PCDH15: variants seen among roughly 807,000 people sequenced by gnomAD.
PCDH15 encodes protocadherin related 15.
Under a neutral mutation model 178.5 loss-of-function variants are expected in PCDH15, and 129 were observed. That is an observed-to-expected ratio of 0.72 (90% CI 0.63 to 0.84). The LOEUF is 0.84. PCDH15 is among the 40% of genes least tolerant of loss of function. The probability of loss-of-function intolerance (pLI) is 0.00; values close to 1 mark genes in which losing one functional copy is unlikely to be tolerated. For synonymous variants in PCDH15, 800 were observed against 732.0 expected (o/e 1.09, Z -1.50); for missense variants, 2,230 against 2,099.9 (o/e 1.06, Z -1.21).
chr10:53,991,559 T>C (rs538773901), intron 21 of PCDH15, among the ~76,000 whole-genome samples: 2 of 152,188 alleles, frequency 1.3e-5, no homozygotes, highest in Admixed American at 1.3e-4. Context: ...CTAGCTCATC[T>C]AGTGGGGACT....
intron 7 of PCDH15, among the ~76,000 whole-genome samples, chr10:54,326,329 T>C (rs1938084777): frequency 6.6e-6 from 1 of 152,172 alleles, no homozygotes. Context: ...TAATATAGCA[T>C]TATCTACTAA....
chr10:54,571,982 A>C (rs904931013), intron 2 of PCDH15, among the ~76,000 whole-genome samples: 4 of 152,116 alleles, frequency 2.6e-5, no homozygotes, highest in African/African-American at 9.7e-5. Flanking sequence ...CCTGATCACA[A>C]ATCATTTCTA....
At chr10:53,991,981 A>G (rs2091525558) in intron 21 of PCDH15, among the ~76,000 whole-genome samples, 1 of 152,014 alleles carries the variant, frequency 6.6e-6, no homozygotes, top group Non-Finnish European at 1.5e-5. Context: ...ACCCTGTGGA[A>G]GCGTTGTTCT....
chr10:55,190,704 G>A (rs1410806795), intron 1 of PCDH15, among the ~76,000 whole-genome samples: 1 of 151,520 alleles, frequency 6.6e-6, no homozygotes, highest in Non-Finnish European at 1.5e-5. Flanking sequence ...TAATTTAGAT[G>A]GTAGGAAATA....
intron 25 of PCDH15, among the ~76,000 whole-genome samples, chr10:53,933,791 C>T (rs1403451992): frequency 1.3e-5 from 2 of 152,154 alleles, no homozygotes; most frequent in African/African-American, 2.4e-5. Context: ...GTCCCACCAA[C>T]AGTGTAAAAG....
intron 1 of PCDH15, among the ~76,000 whole-genome samples, chr10:54,789,920 C>A (rs957507742): frequency 1.1e-4 from 17 of 151,780 alleles, no homozygotes; most frequent in African/African-American, 3.6e-4. Context: ...TTGAAAATGG[C>A]AAAATTGGGT....
At chr10:55,479,358 ATATAT>A (rs1403049080) in intron 2 of PCDH15, among the ~76,000 whole-genome samples, 15 of 151,898 alleles carry the variant, frequency 9.9e-5, no homozygotes, top group African/African-American at 3.4e-4. Flanking sequence ...AATAAACATG[ATATAT>A]TATATCAACA....
chr10:54,743,661 G>A (rs1945091294), intron 1 of PCDH15, among the ~76,000 whole-genome samples: 2 of 151,912 alleles, frequency 1.3e-5, no homozygotes, highest in South Asian at 2.1e-4. Context: ...AGCCAGAGAT[G>A]AATATATAGT....
rs1412228222 is a variant in PCDH15 at position 54,007,658 on chromosome 10, G to C, written c.2752-11893C>G. 2.6e-5 allele frequency among the ~76,000 whole-genome samples: 4 copies of C among 152,204 alleles called. No homozygotes were observed. The East Asian group carries it at 5.8e-4, about 22-fold the overall frequency. On this transcript the variant is annotated intron_variant, in intron 20 of 37. Coordinates refer to ENST00000644397, the MANE Select transcript of PCDH15 (RefSeq NM_001384140.1). Reference sequence around the variant, plus strand: ...CTTGATAAAAATTTTTATTTATACTGTGGAAATATTGTTTTTCCAAATAAT... The same window carrying C: ...CTTGATAAAAATTTTTATTTATACTCTGGAAATATTGTTTTTCCAAATAAT...
chr10:54,017,598 T>C (rs2092781699), intron 20 of PCDH15, among the ~76,000 whole-genome samples: 2 of 152,104 alleles, frequency 1.3e-5, no homozygotes, highest in Non-Finnish European at 2.9e-5. Context: ...TGGGTACTCC[T>C]GGACATAAAA....
chr10:54,123,533 G>A (rs1414054020), intron 15 of PCDH15, among the ~76,000 whole-genome samples: 1 of 152,052 alleles, frequency 6.6e-6, no homozygotes, highest in African/African-American at 2.4e-5. Flanking sequence ...CAGATGATGG[G>A]AGGCTGCAGA....
At chr10:54,482,948 T>G (rs2136953523) in intron 3 of PCDH15, among the ~76,000 whole-genome samples, 1 of 151,888 alleles carries the variant, frequency 6.6e-6, no homozygotes, top group South Asian at 2.1e-4. Context: ...TACCAGAATC[T>G]AAACAATGAT....
intron 1 of PCDH15, among the ~76,000 whole-genome samples, chr10:55,191,350 C>T (rs1363639858): frequency 1.3e-5 from 2 of 151,740 alleles, no homozygotes; most frequent in African/African-American, 4.8e-5. Flanking sequence ...TGTCACTTAT[C>T]TTCAGGAGCT....
At chr10:55,135,134 C>T (rs1053879426) in intron 2 of PCDH15, among the ~76,000 whole-genome samples, 3 of 151,906 alleles carry the variant, frequency 2.0e-5, no homozygotes, top group Non-Finnish European at 4.4e-5. Context: ...TTTGCAGCTT[C>T]CTAATTTAAA....
intron 1 of PCDH15, among the ~76,000 whole-genome samples, chr10:55,309,463 G>C (rs1203858538): frequency 6.6e-6 from 1 of 151,618 alleles, no homozygotes; most frequent in Non-Finnish European, 1.5e-5. Flanking sequence ...GCTGCAGCGA[G>C]CTATGATCAT....
chr10:54,983,605 GTA>G, intron 2 of PCDH15, among the ~76,000 whole-genome samples: 1 of 152,060 alleles, frequency 6.6e-6, no homozygotes, highest in African/African-American at 2.4e-5. Context: ...AAGTTTCTCA[GTA>G]AGAGTCTGAA....
At position 54,464,767 on chromosome 10, in the gene PCDH15, A is replaced by G. The variant is rs187436255; in HGVS notation, c.157+63045T>C. 7.0e-3 allele frequency among the ~76,000 whole-genome samples: 1,049 copies of G among 150,692 alleles called. 12 individuals are homozygous for G. The highest frequency in any genetic ancestry group is 0.025 in the African/African-American group (995 of 40,004). ...GTTGACCTTATTTCCAAGGTTGAGT[A>G]TCTAGCTAGCTAGCTATTTTAAACA... is the stretch of plus-strand genomic sequence containing the variant. On this transcript the variant is annotated intron_variant, in intron 3 of 37. Transcript: ENST00000644397.
intron 9 of PCDH15, 53 bp downstream of exon 9, chr10:54,236,770 T>G: frequency 7.4e-7 from 1 of 1,359,320 alleles, no homozygotes; most frequent in South Asian, 1.2e-5. Flanking sequence ...AGAGAATTTG[T>G]TACTGTAAGA....
intron 30 of PCDH15, among the ~76,000 whole-genome samples, chr10:53,829,740 C>A (rs913782153): frequency 6.6e-6 from 1 of 152,028 alleles, no homozygotes; most frequent in African/African-American, 2.4e-5. Flanking sequence ...AAAGTAATGA[C>A]CTGCTTGAAA....
Sources: allele counts gnomAD v4.1 joint callset (sites outside exome capture counted in the v4.1 genomes callset), GRCh38; gene constraint gnomAD v4.1.1; transcripts MANE v1.5; gene names NCBI Gene and HGNC (gene_info 2026-07-23, HGNC 2026-07-21).